Variants in PRKACB observed in about 807,000 individuals in gnomAD.
PRKACB encodes protein kinase cAMP-activated catalytic subunit beta.
A neutral mutation model predicts 51.4 loss-of-function variants in PRKACB; 16 were observed. That is an observed-to-expected ratio of 0.31 (90% CI 0.21 to 0.47). PRKACB has a LOEUF of 0.47. PRKACB is among the 20% of genes least tolerant of loss of function. PRKACB has a pLI of 1.00. For missense variants in PRKACB, 309 were observed against 464.5 expected (o/e 0.67, Z 3.08); for synonymous variants, 147 against 154.4 (o/e 0.95, Z 0.35).
chr1:84,093,478 A>G (rs1648679664), intron 1 of PRKACB, among the ~76,000 whole-genome samples: 2 of 152,136 alleles, frequency 1.3e-5, no homozygotes, highest in East Asian at 1.9e-4. Flanking sequence ...GGTTTTGTCT[A>G]TTTTAGTGTC....
At chr1:84,082,329 A>G (rs562126238) in intron 1 of PRKACB, among the ~76,000 whole-genome samples, 1 of 152,294 alleles carries the variant, frequency 6.6e-6, no homozygotes, top group South Asian at 2.1e-4. Flanking sequence ...GTTTTCAAAC[A>G]TGACTTTATT....
At chr1:84,190,658 A>G (rs1666500508) in intron 5 of PRKACB, among the ~76,000 whole-genome samples, 1 of 152,086 alleles carries the variant, frequency 6.6e-6, no homozygotes, top group African/African-American at 2.4e-5. Context: ...TCAGAGGCAA[A>G]TATAAAACTC....
intron 5 of PRKACB, among the ~76,000 whole-genome samples, chr1:84,191,038 T>C (rs1441376100): frequency 6.6e-6 from 1 of 152,112 alleles, no homozygotes; most frequent in Non-Finnish European, 1.5e-5. Context: ...AGTAGTGATA[T>C]GTGAGATTTT....
At chr1:84,093,166 T>C (rs1648632485) in intron 1 of PRKACB, among the ~76,000 whole-genome samples, 1 of 152,108 alleles carries the variant, frequency 6.6e-6, no homozygotes, top group South Asian at 2.1e-4. Flanking sequence ...TTTAAGAAGT[T>C]CTCACTACCC....
intron 9 of PRKACB, among the ~76,000 whole-genome samples, chr1:84,221,538 G>A (rs1470616871): frequency 6.6e-6 from 1 of 151,606 alleles, no homozygotes; most frequent in Non-Finnish European, 1.5e-5. Context: ...TAGGTTATTT[G>A]AAATCTTTAT....
chr1:84,226,333 A>G (rs1674601198), intron 9 of PRKACB, among the ~76,000 whole-genome samples: 2 of 147,696 alleles, frequency 1.4e-5, no homozygotes, highest in Admixed American at 6.8e-5. Flanking sequence ...GTAAAGTTGC[A>G]TATTAGGAGA....
chr1:84,202,935 C>A, intron 8 of PRKACB, 130 bp downstream of exon 8: 1 of 804,034 alleles, frequency 1.2e-6, no homozygotes, highest in Non-Finnish European at 1.8e-6. Flanking sequence ...ACAGTTGCTG[C>A]TCTTACTATC....
intron 1 of PRKACB, chr1:84,164,172 T>G: frequency 1.1e-6 from 1 of 934,784 alleles, no homozygotes. Context: ...TATATAATAT[T>G]ATTCTCTTCC....
chr1:84,112,798 C>A (rs1303815864), intron 1 of PRKACB, among the ~76,000 whole-genome samples: 1 of 152,046 alleles, frequency 6.6e-6, no homozygotes, highest in African/African-American at 2.4e-5. Context: ...CCCAAGAAAC[C>A]AGTGGAAGGT....
chr1:84,177,691 G>A (rs1661783290), intron 1 of PRKACB, among the ~76,000 whole-genome samples: 1 of 151,964 alleles, frequency 6.6e-6, no homozygotes, highest in African/African-American at 2.4e-5. Context: ...CTAGTGGACT[G>A]TGATCATGAC....
At chr1:84,078,310 T>A in exon 1 of PRKACB, 1 of 1,607,922 alleles carries the variant, frequency 6.2e-7, no homozygotes, top group South Asian at 1.1e-5. Flanking sequence ...GACCCCTTCT[T>A]GCCATCGCCC....
intron 1 of PRKACB, among the ~76,000 whole-genome samples, chr1:84,156,733 T>G (rs1032887407): frequency 6.6e-6 from 1 of 152,174 alleles, no homozygotes; most frequent in African/African-American, 2.4e-5. Flanking sequence ...AAATATAAAA[T>G]ACCGTGATTT....
At chr1:84,118,649 A>T (rs1650819011) in intron 1 of PRKACB, among the ~76,000 whole-genome samples, 1 of 152,146 alleles carries the variant, frequency 6.6e-6, no homozygotes, top group South Asian at 2.1e-4. Context: ...CAGACCTGAG[A>T]ACAGCAGAAA....
At position 84,214,272 on chromosome 1, in the gene PRKACB, C is replaced by A. The variant is rs1178873833; in HGVS notation, c.1026C>A (p.His342Gln). Residue 342 changes from histidine (H) to glutamine (Q), a missense_variant, in exon 9 of 10, where the codon CAC (histidine) becomes CAA (glutamine). Coordinates refer to ENST00000370685, the MANE Select transcript of PRKACB (RefSeq NM_182948.4). ...ATGGTGTCAGTGATATAAAAACTCA[C>A]AAGTGGTTTGCCACGACAGATTGGA... ...LKNGVSDIKTHKWFATTDWIA... is the reference protein window; with the variant it reads ...LKNGVSDIKTQKWFATTDWIA... 8 of 1,612,046 alleles carry A rather than the reference C, an allele frequency of 5.0e-6. No individual in the cohort carries two copies. Among genetic ancestry groups the A allele is most frequent in the Non-Finnish European group, 1.7e-6 (2 of 1,179,236 alleles).
rs1354014577 is a variant in PRKACB at position 84,137,015 on chromosome 1, G to A, written c.47-42162G>A. ...TAAGGGGCTCTTCCCCTTTTTGCTT[G>A]GCACTTCTTCCTGCCACCTTGTGAA... On this transcript the variant is annotated intron_variant, in intron 1 of 8. Transcript: ENST00000370688. Among the ~76,000 whole-genome samples, 6 of 151,796 alleles carry A rather than the reference G, an allele frequency of 4.0e-5. No homozygotes were observed. The East Asian group carries it at 1.2e-3, about 29-fold the overall frequency.
intron 1 of PRKACB, among the ~76,000 whole-genome samples, chr1:84,149,678 A>G (rs1654587778): frequency 6.6e-6 from 1 of 152,164 alleles, no homozygotes. Flanking sequence ...AATTTATTTA[A>G]CCAATCATTG....
intron 1 of PRKACB, among the ~76,000 whole-genome samples, chr1:84,125,946 G>A (rs942229505): frequency 1.3e-5 from 2 of 152,110 alleles, no homozygotes; most frequent in Admixed American, 1.3e-4. Flanking sequence ...GGATTGACTT[G>A]TTTACTCAGC....
Position 84,184,127 on chromosome 1 carries a change from G to T in PRKACB, c.469G>T (p.Ala157Ser). 6.3e-7 allele frequency: 1 copy of T among 1,597,354 alleles called. No homozygotes were observed. Among genetic ancestry groups the T allele is most frequent in the Non-Finnish European group, 8.5e-7 (1 of 1,173,408 alleles). ...TCCTTTCCTTGTTCGACTGGAGTAT[G>T]CTTTTAAGGTAAATTTTAGTAATAT... ...NFPFLVRLEY[A>S]FKDNSNLYMV... is the part of the protein sequence containing the mutation. Residue 157 changes from alanine (A) to serine (S), a missense_variant, in exon 4 of 10, where the codon GCT becomes TCT. By Grantham distance (99) the Ala-to-Ser change is moderately conservative. Coordinates refer to ENST00000370685, the MANE Select transcript of PRKACB (RefSeq NM_182948.4).
intron 1 of PRKACB, chr1:84,175,856 A>G: frequency 7.5e-7 from 1 of 1,338,474 alleles, no homozygotes; most frequent in Non-Finnish European, 1.0e-6. Context: ...TTTAAATCAT[A>G]CAAACAGAAA....
Sources: gnomAD v4.1 joint callset for allele counts (sites outside exome capture counted in the v4.1 genomes callset) on GRCh38, gnomAD v4.1.1 for gene constraint, MANE v1.5 for transcripts, NCBI Gene and HGNC (gene_info 2026-07-23, HGNC 2026-07-21) for gene names.